SH3RF1: variants seen among roughly 807,000 people sequenced by gnomAD.
SH3RF1 encodes SH3 domain containing ring finger 1.
A neutral mutation model predicts 74.0 loss-of-function variants in SH3RF1; 32 were observed. That is an observed-to-expected ratio of 0.43 (90% CI 0.33 to 0.58). SH3RF1 has a LOEUF of 0.58. Among genes scored for constraint, SH3RF1 ranks in the 20% least tolerant of loss-of-function variants. SH3RF1 has a pLI of 0.05. For missense variants in SH3RF1, 954 were observed against 1,130.9 expected (o/e 0.84, Z 2.24); for synonymous variants, 396 against 439.6 (o/e 0.90, Z 1.24).
intron 2 of SH3RF1, among the ~76,000 whole-genome samples, chr4:169,164,670 C>T (rs1457615195): frequency 1.3e-5 from 2 of 152,246 alleles, no homozygotes; most frequent in African/African-American, 4.8e-5. Flanking sequence ...ATCAACTTCA[C>T]TGTGTTCTAG....
At chr4:169,242,198 T>C (rs928290261) in intron 2 of SH3RF1, among the ~76,000 whole-genome samples, 3 of 152,166 alleles carry the variant, frequency 2.0e-5, no homozygotes, top group Admixed American at 6.5e-5. Flanking sequence ...GGAGAAATAC[T>C]CTGCCTAAAC....
At chr4:169,261,604 C>CAA (rs377229920) in intron 2 of SH3RF1, among the ~76,000 whole-genome samples, 9 of 110,534 alleles carry the variant, frequency 8.1e-5, no homozygotes, top group South Asian at 2.8e-4. Flanking sequence ...GAGACCATCT[C>CAA]AAAAAAAAAA....
At chr4:169,148,500 C>T (rs112545034) in intron 4 of SH3RF1, among the ~76,000 whole-genome samples, 4 of 152,244 alleles carry the variant, frequency 2.6e-5, no homozygotes, top group South Asian at 2.1e-4. Flanking sequence ...AAATTATACA[C>T]GATGAGACTT....
At chr4:169,192,815 A>G (rs188766223) in intron 2 of SH3RF1, among the ~76,000 whole-genome samples, 81 of 148,300 alleles carry the variant, frequency 5.5e-4, no homozygotes, top group African/African-American at 1.9e-3. Flanking sequence ...TATGATATAT[A>G]TGTGATATAT....
intron 2 of SH3RF1, among the ~76,000 whole-genome samples, chr4:169,245,280 T>C (rs537350438): frequency 4.6e-5 from 7 of 152,290 alleles, no homozygotes; most frequent in East Asian, 1.9e-4. Context: ...GAAAATAAAA[T>C]GGAACTTCCT....
chr4:169,128,904 G>T lies in SH3RF1; in HGVS notation c.1179+1142C>A, dbSNP rs181211034. Among the ~76,000 whole-genome samples the T allele has an allele frequency of 1.4e-3, 208 of 152,232 alleles. 2 individuals are homozygous for T. The South Asian group carries it at 0.026, about 19-fold the overall frequency. On this transcript the variant is annotated intron_variant, in intron 6 of 11. Coordinates refer to ENST00000284637, the MANE Select transcript of SH3RF1 (RefSeq NM_020870.4). ...GCCCAACTTGCAACAGCCCTCAACCGAGCCCAAAAAGGAGATCAATAATGT... is the reference window on the plus strand; with the variant it reads ...GCCCAACTTGCAACAGCCCTCAACCTAGCCCAAAAAGGAGATCAATAATGT...
Position 169,228,937 on chromosome 4 carries a change from T to A in SH3RF1, c.393+39883A>T, listed in dbSNP as rs766360382. The stretch of plus-strand genomic sequence containing the variant: ...TTTTACTTTAAAAAAACAAAAAAAA[T>A]TCTGTTCTTCGAAAAACAAACAAAC... On this transcript the variant is annotated intron_variant, in intron 2 of 11. Transcript: ENST00000284637. Among the ~76,000 whole-genome samples, 177 of 152,114 alleles carry A rather than the reference T, an allele frequency of 1.2e-3. 1 individual carries two copies. Among genetic ancestry groups the A allele is most frequent in the Middle Eastern group, 3.4e-3 (1 of 294 alleles).
At chr4:169,270,117 C>T (rs983595451) in intron 1 of SH3RF1, among the ~76,000 whole-genome samples, 1 of 152,254 alleles carries the variant, frequency 6.6e-6, no homozygotes, top group Non-Finnish European at 1.5e-5. Context: ...GCTCTCCCCC[C>T]ACCGCCAAAA....
At chr4:169,185,665 C>T (rs544059725) in intron 2 of SH3RF1, among the ~76,000 whole-genome samples, 157 of 152,158 alleles carry the variant, frequency 1.0e-3, no homozygotes, top group Non-Finnish European at 2.0e-3. Context: ...GTCACAGCCA[C>T]AAGCCTGAGG....
intron 2 of SH3RF1, among the ~76,000 whole-genome samples, chr4:169,204,300 G>GA (rs35170773): frequency 0.95 from 145,374 of 152,242 alleles, 69,769 homozygotes; most frequent in East Asian, 1. Context: ...CTAATTCAAT[G>GA]AATTTCCAGC....
intron 2 of SH3RF1, among the ~76,000 whole-genome samples, chr4:169,171,594 G>C (rs940483878): frequency 6.6e-6 from 1 of 152,224 alleles, no homozygotes; most frequent in African/African-American, 2.4e-5. Flanking sequence ...AAGGGAGCAT[G>C]ATTTAGAAGA....
At chr4:169,181,139 T>C (rs1331383761) in intron 2 of SH3RF1, among the ~76,000 whole-genome samples, 4 of 152,152 alleles carry the variant, frequency 2.6e-5, no homozygotes, top group African/African-American at 9.7e-5. Context: ...AATAATAGCC[T>C]TTCTGTGTAA....
intron 4 of SH3RF1, among the ~76,000 whole-genome samples, chr4:169,153,192 C>T (rs1361245463): frequency 6.6e-6 from 1 of 152,150 alleles, no homozygotes; most frequent in East Asian, 1.9e-4. Flanking sequence ...CTGGTACCCT[C>T]TGCGTGATAG....
intron 2 of SH3RF1, among the ~76,000 whole-genome samples, chr4:169,186,310 T>TA (rs1485964267): frequency 1.3e-5 from 2 of 152,124 alleles, no homozygotes; most frequent in Non-Finnish European, 2.9e-5. Context: ...TTTACCTATG[T>TA]AACCCGCACA....
intron 2 of SH3RF1, among the ~76,000 whole-genome samples, chr4:169,226,235 C>G (rs1730651972): frequency 6.6e-6 from 1 of 152,150 alleles, no homozygotes; most frequent in Non-Finnish European, 1.5e-5. Context: ...CAATGCAAAT[C>G]ACGCTATAGA....
intron 2 of SH3RF1, among the ~76,000 whole-genome samples, chr4:169,218,261 T>TAA (rs1171531018): frequency 7.0e-6 from 1 of 142,434 alleles, no homozygotes; most frequent in African/African-American, 2.6e-5. Flanking sequence ...TGTTTATATA[T>TAA]AATATAGAAT....
At chr4:169,104,707 C>T (rs1289314002) in intron 11 of SH3RF1, among the ~76,000 whole-genome samples, 1 of 151,844 alleles carries the variant, frequency 6.6e-6, no homozygotes, top group Non-Finnish European at 1.5e-5. Context: ...TTCGAGACCA[C>T]CCTGGCCAAG....
chr4:169,185,856 G>A (rs1734594210), intron 2 of SH3RF1, among the ~76,000 whole-genome samples: 1 of 152,096 alleles, frequency 6.6e-6, no homozygotes, highest in Non-Finnish European at 1.5e-5. Context: ...ATCATGGGTG[G>A]AGAGAACTAC....
At chr4:169,223,116 T>C (rs1730595074) in intron 2 of SH3RF1, among the ~76,000 whole-genome samples, 2 of 152,188 alleles carry the variant, frequency 1.3e-5, no homozygotes, top group Non-Finnish European at 2.9e-5. Context: ...ACCCTGGACC[T>C]TCCTGGGGCC....
Sources: allele counts gnomAD v4.1 joint callset (sites outside exome capture counted in the v4.1 genomes callset), GRCh38; gene constraint gnomAD v4.1.1; transcripts MANE v1.5; gene names NCBI Gene and HGNC (gene_info 2026-07-23, HGNC 2026-07-21).